TMEM209: variants seen among roughly 807,000 people sequenced by gnomAD.
TMEM209 encodes the protein transmembrane protein 209, also known as testicular tissue protein Li 202.
TMEM209 carries 65 observed loss-of-function variants against 76.2 expected under a neutral mutation model. That is an observed-to-expected ratio of 0.85 (90% CI 0.70 to 1.05). The LOEUF (loss-of-function observed/expected upper bound fraction) is 1.05, where lower values mean the gene tolerates loss of function less well. Ranked by LOEUF, TMEM209 falls within the 50% of genes least tolerant of loss-of-function variation. TMEM209 has a pLI of 0.00. For synonymous variants in TMEM209, 239 were observed against 237.6 expected (o/e 1.01, Z -0.06); for missense variants, 623 against 685.5 (o/e 0.91, Z 1.02).
rs1010916049 is a variant in TMEM209 at position 130,202,326 on chromosome 7, A to G, written c.331+206T>C. Among the ~76,000 whole-genome samples, 4 of 152,204 alleles carry G rather than the reference A, an allele frequency of 2.6e-5. No individual in the cohort carries two copies. In the South Asian group the frequency reaches 6.2e-4, roughly 24 times the overall value. ...AAGTTAGTCATTTAATTTTAATTGC[A>G]CCTGAACAATGGAACAAACTTCCAT... On this transcript the variant is annotated intron_variant, in intron 4 of 14. Coordinates refer to ENST00000397622, the MANE Select transcript of TMEM209 (RefSeq NM_032842.4).
intron 5 of TMEM209, among the ~76,000 whole-genome samples, chr7:130,194,198 CAA>C (rs577499976): frequency 6.6e-5 from 7 of 105,286 alleles, no homozygotes; most frequent in Non-Finnish European, 4.0e-5. Context: ...GACTCCGTCT[CAA>C]AAAAAAAAAA....
At chr7:130,200,104 A>T (rs1798134706) in intron 5 of TMEM209, 1 of 152,178 alleles carries the variant, frequency 6.6e-6, no homozygotes, top group African/African-American at 2.4e-5. Flanking sequence ...GCAAACCACA[A>T]GGAGATAAAC....
In TMEM209 at chr7:130,205,353, A is replaced by C. The variant is rs1798415464; in HGVS notation, c.3+20T>G. On this transcript the variant is annotated intron_variant, in intron 1 of 14. Coordinates refer to ENST00000397622, the MANE Select transcript of TMEM209 (RefSeq NM_032842.4). ...GTAGATTCCAAGACAGGAAGCACAA[A>C]CACGACCCCGAAAACGCACCATGTC... is the stretch of plus-strand genomic sequence containing the variant. 3 of 1,613,798 alleles carry C rather than the reference A, an allele frequency of 1.9e-6. No homozygotes were observed. In the East Asian group the frequency reaches 6.7e-5, roughly 36 times the overall value.
chr7:130,185,999 G>GGTTA (rs1797584811), intron 6 of TMEM209, among the ~76,000 whole-genome samples: 1 of 152,174 alleles, frequency 6.6e-6, no homozygotes, highest in African/African-American at 2.4e-5. Context: ...CACACTTCCG[G>GGTTA]GTTATAGTTT....
At chr7:130,174,757 T>C (rs1584668454) in intron 11 of TMEM209, among the ~76,000 whole-genome samples, 1 of 152,220 alleles carries the variant, frequency 6.6e-6, no homozygotes, top group East Asian at 1.9e-4. Context: ...CATCACACTA[T>C]TTGCATGCTG....
intron 9 of TMEM209, among the ~76,000 whole-genome samples, chr7:130,180,481 G>A (rs1194749472): frequency 2.6e-5 from 4 of 151,864 alleles, no homozygotes; most frequent in Non-Finnish European, 5.9e-5. Context: ...CGATTCTCCT[G>A]CCTCAGCCTC....
intron 6 of TMEM209, among the ~76,000 whole-genome samples, chr7:130,189,821 G>A (rs1797732323): frequency 6.6e-6 from 1 of 152,130 alleles, no homozygotes; most frequent in South Asian, 2.1e-4. Context: ...ATTTCCTAGA[G>A]GACCTGGAGT....
intron 5 of TMEM209, among the ~76,000 whole-genome samples, chr7:130,197,278 G>C (rs891217784): frequency 1.3e-5 from 2 of 152,178 alleles, no homozygotes; most frequent in African/African-American, 4.8e-5. Context: ...ACATACAATG[G>C]AATATTATTC....
In TMEM209 at chr7:130,166,414, G is replaced by T. The variant is rs1382122510; in HGVS notation, c.*37C>A. 6 of 1,511,244 alleles carry T rather than the reference G, an allele frequency of 4.0e-6. No individual in the cohort carries two copies. The highest frequency in any genetic ancestry group is 1.7e-4 in the Middle Eastern group (1 of 5,842). 93.6% of individuals were successfully genotyped at this position (1,511,244 alleles called of 1,614,324 possible). A position where few individuals can be genotyped will look rare whatever the true frequency, so the allele number is the denominator to read the frequency against. On this transcript the variant is annotated 3_prime_UTR_variant, in exon 15 of 15. Coordinates refer to ENST00000397622, the MANE Select transcript of TMEM209 (RefSeq NM_032842.4). The stretch of plus-strand genomic sequence containing the variant: ...GTTTAGTTTCGACTTCTGGTTCAGT[G>T]AAATAGTCTAAATGTCAGAATTAAA...
At chr7:130,204,609 G>C (rs1478815840) in intron 1 of TMEM209, among the ~76,000 whole-genome samples, 1 of 152,124 alleles carries the variant, frequency 6.6e-6, no homozygotes, top group East Asian at 1.9e-4. Flanking sequence ...CAAAGTGTTG[G>C]GATTACAGGC....
In TMEM209 at chr7:130,203,954, T is replaced by G. The variant is rs75424115; in HGVS notation, c.140+20A>C. On this transcript the variant is annotated intron_variant, in intron 2 of 14. Transcript: ENST00000397622. ...CACTGGCTTCTTAAAGTTTCACTTT[T>G]TTTGGACTGATTCACTTACATTTCA... The G allele has an allele frequency of 7.1e-4, 1,142 of 1,609,046 alleles. 13 individuals are homozygous for G. The East Asian group carries it at 0.023, about 33-fold the overall frequency.
At chr7:130,179,093 T>C (rs563841259) in intron 9 of TMEM209, among the ~76,000 whole-genome samples, 14 of 152,228 alleles carry the variant, frequency 9.2e-5, no homozygotes, top group African/African-American at 3.4e-4. Flanking sequence ...TGGCCCAAAG[T>C]ACTTTATCTT....
chr7:130,192,489 G>T, intron 6 of TMEM209, 133 bp downstream of exon 6: 1 of 747,688 alleles, frequency 1.3e-6, no homozygotes, highest in Non-Finnish European at 2.1e-6. Flanking sequence ...ATAAAATAAT[G>T]TTACATATAA....
At position 130,181,550 on chromosome 7, in the gene TMEM209, G is replaced by A. The variant is rs773426039; in HGVS notation, c.1120+73C>T. On this transcript the variant is annotated intron_variant, in intron 9 of 14. Coordinates refer to ENST00000397622, the MANE Select transcript of TMEM209 (RefSeq NM_032842.4). ...CCAAGGTAACAAAATAAGTTAAGCC[G>A]TCCATTACAAGAAGTTTTCCACTTG... 4.9e-4 allele frequency: 632 copies of A among 1,282,168 alleles called. 4 individuals are homozygous for A. The Middle Eastern group carries it at 5.1e-3, about 10-fold the overall frequency. The allele number at this position is 1,282,168 out of a possible 1,614,324, so 79.4% of individuals were successfully genotyped here.
At chr7:130,203,713 T>C (rs1798303452) in intron 3 of TMEM209, 75 bp downstream of exon 3, 2 of 1,263,342 alleles carry the variant, frequency 1.6e-6, no homozygotes, top group Non-Finnish European at 2.2e-6. Context: ...TAAGGAAATG[T>C]ATACTAAGCT....
chr7:130,172,857 G>A (rs1266671585), intron 13 of TMEM209, among the ~76,000 whole-genome samples: 1 of 151,728 alleles, frequency 6.6e-6, no homozygotes, highest in African/African-American at 2.4e-5. Context: ...AAAATAGCCG[G>A]GTGTGGTGGC....
intron 14 of TMEM209, among the ~76,000 whole-genome samples, chr7:130,166,962 T>TAAC (rs1015151133): frequency 3.9e-5 from 6 of 152,022 alleles, no homozygotes; most frequent in Admixed American, 6.5e-5. Context: ...CTACTACATA[T>TAAC]AACAACAACA....
intron 5 of TMEM209, among the ~76,000 whole-genome samples, chr7:130,200,869 C>T (rs1293424951): frequency 2.6e-5 from 4 of 151,934 alleles, no homozygotes; most frequent in Admixed American, 6.6e-5. Flanking sequence ...GAGGGCAGAT[C>T]GCAAGGTCAG....
chr7:130,173,555 G>T, intron 13 of TMEM209, 77 bp downstream of exon 13: 1 of 1,105,102 alleles, frequency 9.0e-7, no homozygotes, highest in Non-Finnish European at 1.3e-6. Flanking sequence ...ATTAACATGA[G>T]ATTATAATTT....
Sources: gnomAD v4.1 joint callset for allele counts (sites outside exome capture counted in the v4.1 genomes callset) on GRCh38, gnomAD v4.1.1 for gene constraint, MANE v1.5 for transcripts, NCBI Gene and HGNC (gene_info 2026-07-23, HGNC 2026-07-21) for gene names.